Variants in PSMC1 observed in about 807,000 individuals in gnomAD.
The protein encoded by PSMC1 is proteasome 26S subunit, ATPase 1.
In PSMC1, 5 loss-of-function variants were observed where a neutral mutation model predicts 49.8. That is an observed-to-expected ratio of 0.10 (90% CI 0.05 to 0.21). The LOEUF (loss-of-function observed/expected upper bound fraction) is 0.21, where lower values mean the gene tolerates loss of function less well. PSMC1 is among the 10% of genes least tolerant of loss of function. The pLI is 1.00. For missense variants in PSMC1, 181 were observed against 535.7 expected (o/e 0.34, Z 6.54); for synonymous variants, 155 against 192.1 (o/e 0.81, Z 1.60).
In PSMC1 at chr14:90,274,829, CACACACA is replaced by C. The variant is rs1297119793; in HGVS notation, c.*2423_*2429del. On this transcript the variant is annotated 3_prime_UTR_variant, in exon 11 of 11. Coordinates refer to ENST00000261303, the MANE Select transcript of PSMC1 (RefSeq NM_002802.3). ...ACACACACACACACACACACACACA[CACACACA>C]CACCCCAATACATATGAATTGATCT... 1,823 of 99,854 alleles carry C rather than the reference CACACACA, an allele frequency of 0.018. 15 individuals carry two copies. The highest frequency in any genetic ancestry group is 0.022 in the Non-Finnish European group (1,120 of 50,350). 6.2% of individuals were successfully genotyped at this position (99,854 alleles called of 1,614,324 possible). A position where few individuals can be genotyped will look rare whatever the true frequency, so the allele number is the denominator to read the frequency against.
At chr14:90,268,101 C>T in intron 7 of PSMC1, 123 bp from the exon 8 acceptor site, 3 of 699,860 alleles carry the variant, frequency 4.3e-6, no homozygotes, top group African/African-American at 1.8e-5. Context: ...GAATTGGTGC[C>T]ATGCCTTAGC....
At chr14:90,256,644 T>TG in intron 1 of PSMC1, 44 bp downstream of exon 1, 2 of 1,577,888 alleles carry the variant, frequency 1.3e-6, no homozygotes, top group South Asian at 2.3e-5. Flanking sequence ...CGCGGTGCGA[T>TG]GGGGTCTCAG....
rs1357713814 is a variant in PSMC1 at position 90,275,027 on chromosome 14, CAA to C, written c.*2621_*2622del. 1.3e-5 allele frequency: 2 copies of C among 152,180 alleles called. No individual in the cohort carries two copies. The highest frequency in any genetic ancestry group is 2.9e-5 in the Non-Finnish European group (2 of 68,036). The allele number at this position is 152,180 out of a possible 1,614,324, so 9.4% of individuals were successfully genotyped here. On this transcript the variant is annotated 3_prime_UTR_variant, in exon 11 of 11. Transcript: ENST00000261303. Reference sequence around the variant, plus strand: ...GGGCACTTTGAAAGTACGTGCCACCCAAGAGTGTCAGTGCTGTCACACTCCTG... The same window carrying C: ...GGGCACTTTGAAAGTACGTGCCACCCGAGTGTCAGTGCTGTCACACTCCTG...
chr14:90,274,653 A>T lies in PSMC1; in HGVS notation c.*2246A>T, dbSNP rs1055058787. ...CCAGAAAGCAAGGGAGTGCTCAAGG[A>T]ATGATAAGGACATGTCCTAAGGACA... On this transcript the variant is annotated 3_prime_UTR_variant, in exon 11 of 11. Coordinates refer to ENST00000261303, the MANE Select transcript of PSMC1 (RefSeq NM_002802.3). 1 of 152,130 alleles carries T rather than the reference A, an allele frequency of 6.6e-6. No individual in the cohort carries two copies. Among genetic ancestry groups the T allele is most frequent in the African/African-American group, 2.4e-5 (1 of 41,400 alleles). The allele number at this position is 152,130 out of a possible 1,614,324, so 9.4% of individuals were successfully genotyped here.
At chr14:90,268,642 C>T (rs1427918440) in intron 8 of PSMC1, 13 of 467,862 alleles carry the variant, frequency 2.8e-5, no homozygotes, top group Admixed American at 3.8e-5. Flanking sequence ...TCTTGAGCAC[C>T]CGCCCTGATC....
chr14:90,267,290 TA>T (rs1891543241), intron 7 of PSMC1, among the ~76,000 whole-genome samples: 1 of 151,814 alleles, frequency 6.6e-6, no homozygotes, highest in Non-Finnish European at 1.5e-5. Context: ...GCCTCCCGAG[TA>T]GCTAGGATTA....
intron 1 of PSMC1, among the ~76,000 whole-genome samples, chr14:90,258,113 AC>A (rs1891330859): frequency 6.6e-6 from 1 of 152,120 alleles, no homozygotes; most frequent in African/African-American, 2.4e-5. Flanking sequence ...CATTCAGCAA[AC>A]CTGAATGTGA....
chr14:90,259,042 A>C (rs1891347705), intron 1 of PSMC1, 118 bp from the exon 2 acceptor site: 16 of 880,788 alleles, frequency 1.8e-5, no homozygotes, highest in Non-Finnish European at 2.5e-5. Flanking sequence ...AGAAATGTTC[A>C]AATGAGGGAG....
At chr14:90,266,058 C>T (rs1404765026) in intron 7 of PSMC1, among the ~76,000 whole-genome samples, 1 of 152,028 alleles carries the variant, frequency 6.6e-6, no homozygotes, top group Admixed American at 6.6e-5. Flanking sequence ...GAGTTCAAGA[C>T]CAGCCCGGCC....
chr14:90,265,851 CCT>C (rs1381414727), intron 7 of PSMC1, among the ~76,000 whole-genome samples: 1 of 146,434 alleles, frequency 6.8e-6, no homozygotes, highest in Non-Finnish European at 1.5e-5. Context: ...AGAGTGAGAC[CCT>C]GTCTGAAAAA....
chr14:90,263,922 TG>T, intron 5 of PSMC1, 75 bp downstream of exon 5: 4 of 1,589,510 alleles, frequency 2.5e-6, no homozygotes, highest in Non-Finnish European at 3.4e-6. Context: ...TCCTGTCCCG[TG>T]GAAGTAGATC....
chr14:90,263,878 C>T (rs370599508), intron 5 of PSMC1, 31 bp downstream of exon 5: 9 of 1,611,264 alleles, frequency 5.6e-6, no homozygotes, highest in South Asian at 3.3e-5. Context: ...AGAAAGCCCA[C>T]GGAAGTGCTT....
At chr14:90,265,309 T>G in intron 7 of PSMC1, 143 bp downstream of exon 7, 1 of 533,080 alleles carries the variant, frequency 1.9e-6, no homozygotes. Flanking sequence ...GTCTGCATGT[T>G]GGAATCACCT....
At chr14:90,271,205 G>T (rs1891652965) in intron 10 of PSMC1, 1 of 152,114 alleles carries the variant, frequency 6.6e-6, no homozygotes, top group Non-Finnish European at 1.5e-5. Flanking sequence ...CGAACCATTT[G>T]AAGTAAATAA....
intron 3 of PSMC1, among the ~76,000 whole-genome samples, chr14:90,262,948 T>TACA (rs1891429761): frequency 6.6e-6 from 1 of 152,230 alleles, no homozygotes; most frequent in Non-Finnish European, 1.5e-5. Flanking sequence ...ATAGCCAGCA[T>TACA]ACAACAGTGT....
At chr14:90,257,332 TATG>T (rs1372547299) in intron 1 of PSMC1, among the ~76,000 whole-genome samples, 2 of 152,100 alleles carry the variant, frequency 1.3e-5, no homozygotes, top group Admixed American at 6.6e-5. Context: ...AAATATGTAA[TATG>T]ATGTCAGGGG....
chr14:90,266,519 C>T (rs529362534), intron 7 of PSMC1, among the ~76,000 whole-genome samples: 1 of 152,214 alleles, frequency 6.6e-6, no homozygotes, highest in Non-Finnish European at 1.5e-5. Context: ...TCAGAATGGC[C>T]GGTGACTAGC....
chr14:90,260,719 G>A (rs752651617), intron 3 of PSMC1, among the ~76,000 whole-genome samples: 13 of 152,152 alleles, frequency 8.5e-5, no homozygotes, highest in African/African-American at 1.4e-4. Flanking sequence ...GCGACAGAGC[G>A]AGACTCCGTC....
intron 3 of PSMC1, 131 bp from the exon 4 acceptor site, chr14:90,263,187 T>TA: frequency 3.3e-6 from 3 of 922,068 alleles, no homozygotes; most frequent in Non-Finnish European, 4.8e-6. Flanking sequence ...CCGGTTTACT[T>TA]AGAGTTACCA....
Sources: allele counts gnomAD v4.1 joint callset (sites outside exome capture counted in the v4.1 genomes callset), GRCh38; gene constraint gnomAD v4.1.1; transcripts MANE v1.5; gene names NCBI Gene and HGNC (gene_info 2026-07-23, HGNC 2026-07-21).